The following ATG10 variants were observed in gnomAD, a reference collection of about 807,000 sequenced individuals.
ATG10 encodes the protein ubiquitin-like-conjugating enzyme ATG10.
In ATG10, 30 loss-of-function variants were observed where a neutral mutation model predicts 32.1. The observed-to-expected ratio is 0.94, with a 90% CI of 0.70 to 1.27. The LOEUF is 1.27. Among genes scored for constraint, ATG10 ranks in the 50% most tolerant of loss-of-function variants. The probability of loss-of-function intolerance (pLI) is 0.00; values close to 1 mark genes in which losing one functional copy is unlikely to be tolerated. For missense variants in ATG10, 233 were observed against 262.3 expected, an observed-to-expected ratio of 0.89 and a Z score of 0.77; for synonymous variants, 87 against 91.5, an observed-to-expected ratio of 0.95 and a Z score of 0.28.
At chr5:82,023,002 C>T (rs1287257147) in intron 2 of ATG10, among the ~76,000 whole-genome samples, 1 of 146,622 alleles carries the variant, frequency 6.8e-6, no homozygotes. Context: ...TATACACACA[C>T]ATAAAATATA....
chr5:82,116,318 A>C (rs1257514684), intron 3 of ATG10, among the ~76,000 whole-genome samples: 2 of 152,112 alleles, frequency 1.3e-5, no homozygotes, highest in African/African-American at 4.8e-5. Context: ...GCAGATAATA[A>C]TTATGATTAT....
intron 5 of ATG10, among the ~76,000 whole-genome samples, chr5:82,188,479 A>T (rs879379365): frequency 2.6e-5 from 4 of 152,222 alleles, no homozygotes; most frequent in Admixed American, 1.3e-4. Context: ...AATTAATTTT[A>T]ATATTATTCA....
intron 5 of ATG10, among the ~76,000 whole-genome samples, chr5:82,200,418 T>C (rs1745019974): frequency 6.6e-6 from 1 of 151,514 alleles, no homozygotes; most frequent in Non-Finnish European, 1.5e-5. Context: ...TTACCATTCG[T>C]ATATTTTCTT....
At chr5:82,108,976 A>C (rs2149811999) in intron 3 of ATG10, among the ~76,000 whole-genome samples, 1 of 152,198 alleles carries the variant, frequency 6.6e-6, no homozygotes, top group East Asian at 1.9e-4. Context: ...ACATACTTTA[A>C]ATTTTGGATT....
intron 3 of ATG10, among the ~76,000 whole-genome samples, chr5:82,068,249 G>A (rs1424699305): frequency 1.3e-5 from 2 of 152,060 alleles, no homozygotes; most frequent in African/African-American, 4.8e-5. Flanking sequence ...TCCTTTGCAG[G>A]GACACGGACG....
chr5:82,201,792 T>A (rs1470055340), intron 5 of ATG10, among the ~76,000 whole-genome samples: 1 of 152,240 alleles, frequency 6.6e-6, no homozygotes, highest in Admixed American at 6.5e-5. Flanking sequence ...CATTCTTGTA[T>A]GTCTTCTGTG....
intron 5 of ATG10, among the ~76,000 whole-genome samples, chr5:82,243,875 A>T (rs1268351290): frequency 6.6e-6 from 1 of 152,166 alleles, no homozygotes; most frequent in South Asian, 2.1e-4. Flanking sequence ...TACTTATGGA[A>T]ATATAAAAAA....
chr5:82,029,784 G>A (rs920709578), intron 2 of ATG10, among the ~76,000 whole-genome samples: 2 of 152,132 alleles, frequency 1.3e-5, no homozygotes, highest in South Asian at 2.1e-4. Flanking sequence ...ATCAAAGTAA[G>A]TTAACTCTTG....
At chr5:82,103,253 A>G (rs997332866) in intron 3 of ATG10, among the ~76,000 whole-genome samples, 2 of 152,208 alleles carry the variant, frequency 1.3e-5, no homozygotes, top group Admixed American at 1.3e-4. Context: ...TTGGTCTAGT[A>G]AAATGTAAAA....
Position 82,081,019 on chromosome 5 carries a change from G to A in ATG10, c.216+22417G>A, listed in dbSNP as rs563499464. ...GCATGGAGTGTTCTTCCACTTGTTT[G>A]TGTCCTCTCTTACTTCCTTGAGCAG... is the stretch of plus-strand genomic sequence containing the variant. On this transcript the variant is annotated intron_variant, in intron 3 of 7. Transcript: ENST00000282185. Among the ~76,000 whole-genome samples the A allele has an allele frequency of 2.6e-5, 4 of 152,272 alleles. No homozygotes were observed. The East Asian group carries it at 7.7e-4, about 29-fold the overall frequency.
At chr5:82,004,833 C>A (rs767306943) in intron 2 of ATG10, among the ~76,000 whole-genome samples, 3 of 152,112 alleles carry the variant, frequency 2.0e-5, no homozygotes, top group Non-Finnish European at 4.4e-5. Context: ...CTTGTTGACC[C>A]GTAACAAAGA....
intron 2 of ATG10, among the ~76,000 whole-genome samples, chr5:82,043,530 T>C (rs1196803102): frequency 6.6e-6 from 1 of 152,266 alleles, no homozygotes; most frequent in Non-Finnish European, 1.5e-5. Flanking sequence ...GGGTTTTTCT[T>C]TTCTACTGCA....
At chr5:82,247,267 A>G (rs942132897) in intron 5 of ATG10, among the ~76,000 whole-genome samples, 1 of 152,114 alleles carries the variant, frequency 6.6e-6, no homozygotes, top group African/African-American at 2.4e-5. Context: ...GATTGCGATT[A>G]TCTGTATTCT....
intron 2 of ATG10, among the ~76,000 whole-genome samples, chr5:82,014,861 C>A (rs1762235405): frequency 6.6e-6 from 1 of 152,158 alleles, no homozygotes; most frequent in South Asian, 2.1e-4. Context: ...TGAATTTGAT[C>A]CTGTCATTAT....
At chr5:82,045,019 G>C (rs879944075) in intron 2 of ATG10, among the ~76,000 whole-genome samples, 3 of 152,146 alleles carry the variant, frequency 2.0e-5, no homozygotes, top group Non-Finnish European at 2.9e-5. Context: ...TCAGGGCTCT[G>C]TTTGGATATC....
At chr5:81,986,914 G>A (rs947949829) in intron 1 of ATG10, among the ~76,000 whole-genome samples, 1 of 151,958 alleles carries the variant, frequency 6.6e-6, no homozygotes, top group South Asian at 2.1e-4. Context: ...GTGGTGGCTT[G>A]CAACTGTAAT....
intron 2 of ATG10, among the ~76,000 whole-genome samples, chr5:82,012,964 C>CT (rs1327668079): frequency 0.014 from 1,939 of 137,854 alleles, 37 homozygotes; most frequent in African/African-American, 0.044. Flanking sequence ...TTCTTTCATT[C>CT]TTTTTTTTTT....
At chr5:82,122,612 A>G (rs1766087745) in intron 3 of ATG10, among the ~76,000 whole-genome samples, 1 of 152,244 alleles carries the variant, frequency 6.6e-6, no homozygotes, top group Non-Finnish European at 1.5e-5. Flanking sequence ...CAAACTATAC[A>G]TCTGACAATG....
intron 3 of ATG10, among the ~76,000 whole-genome samples, chr5:82,113,212 G>A (rs1030368544): frequency 2.4e-4 from 37 of 151,836 alleles, no homozygotes; most frequent in Middle Eastern, 3.2e-3. Context: ...TTTAGCACCA[G>A]ATTTATGATT....
Sources: gnomAD v4.1 joint callset for allele counts (sites outside exome capture counted in the v4.1 genomes callset) on GRCh38, gnomAD v4.1.1 for gene constraint, MANE v1.5 for transcripts, NCBI Gene and HGNC (gene_info 2026-07-23, HGNC 2026-07-21) for gene names.